Variants in PLA2G5 observed in about 807,000 individuals in gnomAD.
PLA2G5 encodes the protein phospholipase A2 group V, also known as Ca2+-dependent phospholipase A2.
In PLA2G5, 12 loss-of-function variants were observed where a neutral mutation model predicts 15.9. That is an observed-to-expected ratio of 0.76 (90% CI 0.48 to 1.23). PLA2G5 has a LOEUF of 1.23. PLA2G5 is among the 50% of genes most tolerant of loss of function. The pLI is 0.00. For missense variants in PLA2G5, 169 were observed against 177.1 expected, an observed-to-expected ratio of 0.95 and a Z score of 0.26; for synonymous variants, 71 against 71.4, an observed-to-expected ratio of 0.99 and a Z score of 0.03.
In PLA2G5 at chr1:20,080,208, C is replaced by G. The variant is rs1402813858; in HGVS notation, c.-10-4613C>G. Among the ~76,000 whole-genome samples the G allele has an allele frequency of 3.9e-5, 6 of 152,192 alleles. No individual in the cohort carries two copies. The East Asian group carries it at 1.2e-3, about 29-fold the overall frequency. Reference sequence around the variant, plus strand: ...GGAGGGGGATTCCAGGGTTCCTGTTCTTAGTGGGGAAGAGCCCTGGATCGA... The same window carrying G: ...GGAGGGGGATTCCAGGGTTCCTGTTGTTAGTGGGGAAGAGCCCTGGATCGA... On this transcript the variant is annotated intron_variant, in intron 1 of 4. Coordinates refer to ENST00000375108, the MANE Select transcript of PLA2G5 (RefSeq NM_000929.3).
At chr1:20,058,992 G>A (rs1350522404) in intron 1 of PLA2G5, among the ~76,000 whole-genome samples, 1 of 150,936 alleles carries the variant, frequency 6.6e-6, no homozygotes, top group African/African-American at 2.4e-5. Flanking sequence ...TGGCCAACAT[G>A]GCGAAACTCC....
At chr1:20,039,114 T>C (rs2013445014) in intron 1 of PLA2G5, among the ~76,000 whole-genome samples, 1 of 152,178 alleles carries the variant, frequency 6.6e-6, no homozygotes, top group Admixed American at 6.5e-5. Context: ...TCTGTGGATG[T>C]AGGTTGTCCA....
At chr1:20,074,746 G>A (rs985491798) in intron 1 of PLA2G5, among the ~76,000 whole-genome samples, 1 of 152,220 alleles carries the variant, frequency 6.6e-6, no homozygotes, top group African/African-American at 2.4e-5. Flanking sequence ...AACGTTCTTG[G>A]ATTGAGCCAA....
At chr1:20,066,021 A>G (rs974455025), upstream of PLA2G5, 3 of 152,176 alleles carry the variant, frequency 2.0e-5, no homozygotes, top group Admixed American at 1.3e-4. Context: ...CTGTCTTCCA[A>G]AGTGGCCGTG....
chr1:20,041,697 A>G (rs2013609351), intron 1 of PLA2G5, among the ~76,000 whole-genome samples: 1 of 152,186 alleles, frequency 6.6e-6, no homozygotes, highest in South Asian at 2.1e-4. Context: ...TGAAATGATG[A>G]CAGAATAGAA....
At chr1:20,040,238 C>T (rs1017811104) in intron 1 of PLA2G5, among the ~76,000 whole-genome samples, 3 of 152,080 alleles carry the variant, frequency 2.0e-5, no homozygotes, top group African/African-American at 7.2e-5. Flanking sequence ...TAATCTTTCA[C>T]CTGGTTTCTT....
At chr1:20,037,118 T>G (rs1464664767) in intron 1 of PLA2G5, among the ~76,000 whole-genome samples, 1 of 152,206 alleles carries the variant, frequency 6.6e-6, no homozygotes, top group African/African-American at 2.4e-5. Context: ...TATGGGGGTG[T>G]TAAAGAACCT....
rs140455088 is a variant in PLA2G5, at chr1:20,077,581, T to C, written c.-11+7116T>C. ...TTACTGGAAAGACATAATCACAATA[T>C]TTATGGTAGTTATGACTTACTGAGC... is the stretch of plus-strand genomic sequence containing the variant. On this transcript the variant is annotated intron_variant, in intron 1 of 4. Transcript: ENST00000375108. Among the ~76,000 whole-genome samples, 139 of 152,278 alleles carry C rather than the reference T, an allele frequency of 9.1e-4. 1 individual carries two copies. Among genetic ancestry groups the C allele is most frequent in the Non-Finnish European group, 1.7e-3 (115 of 68,006 alleles).
chr1:20,089,897 T>G lies in PLA2G5; in HGVS notation c.292+2T>G. 6.2e-7 allele frequency: 1 copy of G among 1,607,172 alleles called. No individual in the cohort carries two copies. The highest frequency in any genetic ancestry group is 8.5e-7 in the Non-Finnish European group (1 of 1,174,414). On this transcript the variant is annotated splice_donor_variant, in intron 4 of 4. Transcript: ENST00000375108. LOFTEE classifies it high-confidence loss of function. The stretch of plus-strand genomic sequence containing the variant: ...TCGCGTGGGGCGTGGTCACCTGCGG[T>G]AAGGCTGGGGCTTCCCGTTCGGGCC...
rs74502015 is a variant in PLA2G5 at position 20,043,424 on chromosome 1, G to A, written n.276+14715G>A. Among the ~76,000 whole-genome samples, 408 of 152,262 alleles carry A rather than the reference G, an allele frequency of 2.7e-3. 22 individuals carry two copies. The East Asian group carries it at 0.076, about 28-fold the overall frequency. ...TCCTTTTAAAGCCTGCTGTGGGATG[G>A]AATATTGGCATTGAGTGGGGTAAGG... On this transcript the variant is annotated intron_variant and non_coding_transcript_variant, in intron 1 of 6. Transcript: ENST00000460175.
intron 3 of PLA2G5, among the ~76,000 whole-genome samples, chr1:20,088,282 G>GGTTCTCCTCTCCCA (rs1553178100): frequency 6.6e-6 from 1 of 152,110 alleles, no homozygotes; most frequent in East Asian, 1.9e-4. Flanking sequence ...ACTTGAACCT[G>GGTTCTCCTCTCCCA]GGAGGCAGAG....
At chr1:20,061,056 T>G (rs1170467742) in intron 2 of PLA2G5, among the ~76,000 whole-genome samples, 1 of 152,228 alleles carries the variant, frequency 6.6e-6, no homozygotes, top group Non-Finnish European at 1.5e-5. Context: ...CTGGACTGGA[T>G]GGCCCTTCAT....
intron 1 of PLA2G5, among the ~76,000 whole-genome samples, chr1:20,071,372 A>G (rs2015365657): frequency 1.3e-5 from 2 of 152,168 alleles, no homozygotes; most frequent in South Asian, 4.1e-4. Context: ...ACCCTCAAGG[A>G]TTCACAGTCT....
chr1:20,031,312 G>A (rs549984066), intron 1 of PLA2G5, among the ~76,000 whole-genome samples: 6 of 152,274 alleles, frequency 3.9e-5, no homozygotes, highest in Non-Finnish European at 5.9e-5. Context: ...AGAGGGGATC[G>A]TGACTGATTT....
chr1:20,051,769 A>G (rs956075705), intron 1 of PLA2G5, among the ~76,000 whole-genome samples: 1 of 152,186 alleles, frequency 6.6e-6, no homozygotes, highest in African/African-American at 2.4e-5. Context: ...CCCTTGGGAA[A>G]ACTGGCCTCA....
chr1:20,037,966 C>T (rs1343910460), intron 1 of PLA2G5, among the ~76,000 whole-genome samples: 1 of 152,036 alleles, frequency 6.6e-6, no homozygotes, highest in Admixed American at 6.5e-5. Flanking sequence ...AGGCCAATGA[C>T]ATTAGGTTCC....
chr1:20,049,076 A>C (rs1455936068), intron 1 of PLA2G5, among the ~76,000 whole-genome samples: 4 of 152,184 alleles, frequency 2.6e-5, no homozygotes, highest in Admixed American at 2.6e-4. Context: ...GTTTAAGGAA[A>C]GTTATAAAAA....
chr1:20,037,236 T>A (rs1480635987), intron 1 of PLA2G5, among the ~76,000 whole-genome samples: 3 of 152,212 alleles, frequency 2.0e-5, no homozygotes, highest in East Asian at 3.8e-4. Flanking sequence ...ATTCTTTTGT[T>A]CCATGGGGTG....
At chr1:20,037,300 C>T (rs879837512) in intron 1 of PLA2G5, among the ~76,000 whole-genome samples, 13 of 152,120 alleles carry the variant, frequency 8.5e-5, no homozygotes, top group African/African-American at 1.7e-4. Context: ...TTCCTGACAG[C>T]GGGACTACAG....
Sources: allele counts gnomAD v4.1 joint callset (sites outside exome capture counted in the v4.1 genomes callset), GRCh38; gene constraint gnomAD v4.1.1; transcripts MANE v1.5; gene names NCBI Gene and HGNC (gene_info 2026-07-23, HGNC 2026-07-21).